The following NRXN3 variants were observed in gnomAD, a reference collection of about 807,000 sequenced individuals.
NRXN3 encodes neurexin III.
A neutral mutation model predicts 137.6 loss-of-function variants in NRXN3; 32 were observed. That is an observed-to-expected ratio of 0.23 (90% CI 0.18 to 0.31). The LOEUF (loss-of-function observed/expected upper bound fraction) is 0.31. Among genes scored for constraint, NRXN3 ranks in the 10% least tolerant of loss-of-function variants. The pLI is 1.00. For missense variants in NRXN3, 1,574 were observed against 2,062.5 expected (o/e 0.76, Z 4.59); for synonymous variants, 798 against 784.5 (o/e 1.02, Z -0.29).
intron 15 of NRXN3, among the ~76,000 whole-genome samples, chr14:79,029,025 T>A (rs2099603098): frequency 6.8e-6 from 1 of 147,912 alleles, no homozygotes. Context: ...GTGATAAATA[T>A]GCTTAAAAGA....
chr14:78,597,485 AG>A (rs891448278), intron 4 of NRXN3, among the ~76,000 whole-genome samples: 2 of 152,156 alleles, frequency 1.3e-5, no homozygotes, highest in Non-Finnish European at 2.9e-5. Flanking sequence ...CATCTTACAA[AG>A]GACCCAATAG....
chr14:79,804,225 AG>A (rs2099194311), intron 19 of NRXN3, among the ~76,000 whole-genome samples: 1 of 152,052 alleles, frequency 6.6e-6, no homozygotes, highest in African/African-American at 2.4e-5. Flanking sequence ...GTAGGCCAAA[AG>A]TTTTGTTTTT....
intron 4 of NRXN3, among the ~76,000 whole-genome samples, chr14:78,368,435 G>T (rs1438331657): frequency 6.6e-6 from 1 of 152,206 alleles, no homozygotes; most frequent in Non-Finnish European, 1.5e-5. Flanking sequence ...AGATGGCCGG[G>T]CACAGCGGCT....
At chr14:78,527,651 T>C (rs1321393493) in intron 4 of NRXN3, among the ~76,000 whole-genome samples, 1 of 152,228 alleles carries the variant, frequency 6.6e-6, no homozygotes, top group African/African-American at 2.4e-5. Flanking sequence ...ATGGGGCTAG[T>C]AATAGCTTTA....
intron 15 of NRXN3, among the ~76,000 whole-genome samples, chr14:78,990,360 T>A (rs1205184153): frequency 1.3e-4 from 16 of 127,762 alleles, no homozygotes; most frequent in Non-Finnish European, 9.7e-5. Context: ...AGTTCACATC[T>A]ATTTTTTTTT....
In NRXN3 at chr14:79,751,590, T is replaced by C. The variant is rs1455127552; in HGVS notation, c.4015-53522T>C. Among the ~76,000 whole-genome samples, 27 of 152,068 alleles carry C rather than the reference T, an allele frequency of 1.8e-4. No individual in the cohort carries two copies. The South Asian group carries it at 3.0e-3, about 17-fold the overall frequency. ...CCTTCTCCTGCCTAATTGCCCTGGC[T>C]AGAACTTCCAACACTATGTTGAATA... On this transcript the variant is annotated intron_variant, in intron 19 of 20. Transcript: ENST00000335750.
chr14:78,371,274 C>T (rs1163157072), intron 4 of NRXN3, among the ~76,000 whole-genome samples: 3 of 152,190 alleles, frequency 2.0e-5, no homozygotes, highest in African/African-American at 7.2e-5. Flanking sequence ...GTGTCAGATA[C>T]TTCAGATAGA....
In NRXN3 at chr14:79,868,239, A is replaced by C. The variant is rs892686544; in HGVS notation, c.*6275A>C. 9 of 152,250 alleles carry C rather than the reference A, an allele frequency of 5.9e-5. No individual in the cohort carries two copies. Among genetic ancestry groups the C allele is most frequent in the Admixed American group, 5.2e-4 (8 of 15,284 alleles). 9.4% of individuals were successfully genotyped at this position (152,250 alleles called of 1,614,324 possible). A position where few individuals can be genotyped will look rare whatever the true frequency, so the allele number is the denominator to read the frequency against. ...AGGATCAAAATTAGCTGCTATATGC[A>C]TGACTAACCAGGACCAAAAAGTTAA... On this transcript the variant is annotated 3_prime_UTR_variant, in exon 21 of 21. Transcript: ENST00000335750.
intron 16 of NRXN3, among the ~76,000 whole-genome samples, chr14:79,602,748 T>C: frequency 6.6e-6 from 1 of 151,964 alleles, no homozygotes; most frequent in Non-Finnish European, 1.5e-5. Flanking sequence ...TTTTTTTTTT[T>C]CCTATCGCTT....
chr14:78,225,973 T>TGTGTTGG (rs1567012828), intron 1 of NRXN3, among the ~76,000 whole-genome samples: 16 of 23,484 alleles, frequency 6.8e-4, no homozygotes, highest in African/African-American at 3.0e-3. Flanking sequence ...GTGTGTGTGT[T>TGTGTTGG]GGTGTGTGTG....
intron 10 of NRXN3, among the ~76,000 whole-genome samples, chr14:78,869,689 T>C (rs541788671): frequency 5.3e-5 from 8 of 152,364 alleles, no homozygotes; most frequent in South Asian, 2.1e-4. Context: ...TTTTCCAGTT[T>C]GATGTTGCAG....
At chr14:79,110,762 T>TA (rs1555758037) in intron 15 of NRXN3, among the ~76,000 whole-genome samples, 2 of 139,110 alleles carry the variant, frequency 1.4e-5, no homozygotes, top group African/African-American at 2.7e-5. Flanking sequence ...GAAATTATTA[T>TA]TTTATTTATT....
At chr14:78,541,442 C>T (rs12892928) in intron 4 of NRXN3, among the ~76,000 whole-genome samples, 34,871 of 152,066 alleles carry the variant, frequency 0.23, 4,291 homozygotes, top group Middle Eastern at 0.32. Flanking sequence ...ATGAAGTTCT[C>T]GTGCCATGAT....
chr14:78,847,342 T>G (rs1197397615), intron 10 of NRXN3, among the ~76,000 whole-genome samples: 1 of 152,112 alleles, frequency 6.6e-6, no homozygotes, highest in Non-Finnish European at 1.5e-5. Context: ...AATAAAGTCA[T>G]TAAGTTTCAA....
At chr14:78,996,598 T>G (rs2099530621) in intron 15 of NRXN3, among the ~76,000 whole-genome samples, 2 of 152,194 alleles carry the variant, frequency 1.3e-5, no homozygotes, top group African/African-American at 2.4e-5. Flanking sequence ...TTTATTCACT[T>G]TAAATGAGGG....
Position 78,808,001 on chromosome 14 carries a change from A to T in NRXN3, c.2249-2317A>T, listed in dbSNP as rs552900038. On this transcript the variant is annotated intron_variant, in intron 9 of 20. Transcript: ENST00000335750. ...ATTTTTTATTTAAAAAACCACATAT[A>T]TAAATGTGTATGTGTGCGTGTGTCT... Among the ~76,000 whole-genome samples, 31 of 152,058 alleles carry T rather than the reference A, an allele frequency of 2.0e-4. 1 individual carries two copies. Among genetic ancestry groups the T allele is most frequent in the Admixed American group, 2.0e-3 (31 of 15,280 alleles).
chr14:78,697,766 T>G (rs1486235343), intron 6 of NRXN3: 3 of 152,014 alleles, frequency 2.0e-5, no homozygotes, highest in Non-Finnish European at 4.4e-5. Context: ...GTCTATATTA[T>G]TGTCAGTTTG....
intron 16 of NRXN3, among the ~76,000 whole-genome samples, chr14:79,597,431 C>T (rs186122550): frequency 6.6e-6 from 1 of 152,164 alleles, no homozygotes; most frequent in Admixed American, 6.5e-5. Context: ...TCTCTTTATC[C>T]CTTCTTATAC....
intron 20 of NRXN3, among the ~76,000 whole-genome samples, chr14:79,839,087 G>A (rs2099350195): frequency 6.6e-6 from 1 of 152,144 alleles, no homozygotes; most frequent in Non-Finnish European, 1.5e-5. Context: ...ATGAGAAGTA[G>A]ACAGGTTGTT....
Sources: allele counts gnomAD v4.1 joint callset (sites outside exome capture counted in the v4.1 genomes callset), GRCh38; gene constraint gnomAD v4.1.1; transcripts MANE v1.5; gene names NCBI Gene and HGNC (gene_info 2026-07-23, HGNC 2026-07-21).